The following NRXN3 variants were observed in gnomAD, a reference collection of about 807,000 sequenced individuals.
NRXN3 encodes neurexin 3.
In NRXN3, 32 loss-of-function variants were observed where a neutral mutation model predicts 137.6. The observed-to-expected ratio is 0.23, with a 90% CI of 0.18 to 0.31. The LOEUF is 0.31. Ranked by LOEUF, NRXN3 falls within the 10% of genes least tolerant of loss-of-function variation. The probability of loss-of-function intolerance (pLI) is 1.00; values close to 1 mark genes in which losing one functional copy is unlikely to be tolerated. For missense variants in NRXN3, 1,574 were observed against 2,062.5 expected (o/e 0.76, Z 4.59); for synonymous variants, 798 against 784.5 (o/e 1.02, Z -0.29).
intron 15 of NRXN3, among the ~76,000 whole-genome samples, chr14:79,361,445 G>A (rs747756129): frequency 4.6e-5 from 7 of 152,124 alleles, no homozygotes; most frequent in Admixed American, 2.0e-4. Context: ...TGCTGAGTGC[G>A]GTGGCTCATG....
Position 79,445,129 on chromosome 14 carries a change from C to G in NRXN3, c.3263-22092C>G, listed in dbSNP as rs1481363864. On this transcript the variant is annotated intron_variant, in intron 15 of 20. Transcript: ENST00000335750. The stretch of plus-strand genomic sequence containing the variant: ...GGCTGAGGCGGGCAGATCACGAGGT[C>G]AAGAGATCAAGACCATCCTGGCCAA... Among the ~76,000 whole-genome samples the G allele has an allele frequency of 3.9e-5, 6 of 152,144 alleles. No individual in the cohort carries two copies. The South Asian group carries it at 1.0e-3, about 26-fold the overall frequency.
At chr14:78,557,866 T>G (rs1354698453) in intron 4 of NRXN3, among the ~76,000 whole-genome samples, 4 of 152,238 alleles carry the variant, frequency 2.6e-5, no homozygotes, top group African/African-American at 9.6e-5. Flanking sequence ...CATCTGTTAC[T>G]TATTTATTGA....
intron 19 of NRXN3, among the ~76,000 whole-genome samples, chr14:79,803,927 G>A (rs201153516): frequency 4.7e-5 from 6 of 128,514 alleles, no homozygotes; most frequent in African/African-American, 9.5e-5. Flanking sequence ...ATATATATAT[G>A]TGTGTGTATA....
At chr14:79,174,730 G>C (rs1211792984) in intron 15 of NRXN3, among the ~76,000 whole-genome samples, 1 of 151,510 alleles carries the variant, frequency 6.6e-6, no homozygotes, top group Non-Finnish European at 1.5e-5. Flanking sequence ...CTATTATGCA[G>C]TCATTTTGCA....
At chr14:78,374,739 C>T (rs1311716788) in intron 4 of NRXN3, among the ~76,000 whole-genome samples, 2 of 140,656 alleles carry the variant, frequency 1.4e-5, no homozygotes, top group Non-Finnish European at 3.0e-5. Flanking sequence ...CACTGTACTG[C>T]AGCCTGGGGA....
At chr14:79,679,608 G>A (rs1211099857) in intron 17 of NRXN3, among the ~76,000 whole-genome samples, 1 of 152,078 alleles carries the variant, frequency 6.6e-6, no homozygotes, top group Non-Finnish European at 1.5e-5. Context: ...GTTTCATTGT[G>A]TGTTAAGGAG....
intron 15 of NRXN3, among the ~76,000 whole-genome samples, chr14:79,215,283 A>AT (rs1307071338): frequency 2.0e-5 from 3 of 152,240 alleles, no homozygotes; most frequent in African/African-American, 7.2e-5. Flanking sequence ...GCTTTGTCAT[A>AT]TTTTTTATAA....
intron 10 of NRXN3, among the ~76,000 whole-genome samples, chr14:78,862,687 G>A (rs1020138911): frequency 1.3e-5 from 2 of 151,904 alleles, no homozygotes; most frequent in South Asian, 4.1e-4. Context: ...GAGTACTAGG[G>A]GCTGAGTATA....
At chr14:78,991,944 G>A (rs2099519774) in intron 15 of NRXN3, among the ~76,000 whole-genome samples, 1 of 152,152 alleles carries the variant, frequency 6.6e-6, no homozygotes, top group African/African-American at 2.4e-5. Flanking sequence ...TGGGTTGATG[G>A]AGGCAGTGGG....
At chr14:79,096,055 G>T (rs1255081229) in intron 15 of NRXN3, among the ~76,000 whole-genome samples, 1 of 151,346 alleles carries the variant, frequency 6.6e-6, no homozygotes, top group Admixed American at 6.6e-5. Context: ...TTCTTCCTGA[G>T]GCCCCTCCTC....
intron 15 of NRXN3, among the ~76,000 whole-genome samples, chr14:79,075,424 A>ATTAG (rs1429501068): frequency 6.6e-6 from 1 of 152,194 alleles, no homozygotes; most frequent in Non-Finnish European, 1.5e-5. Context: ...ATGCATAAAT[A>ATTAG]TTAGTTAGGA....
At chr14:78,272,897 C>T (rs2073018934) in intron 2 of NRXN3, among the ~76,000 whole-genome samples, 1 of 152,020 alleles carries the variant, frequency 6.6e-6, no homozygotes, top group Admixed American at 6.6e-5. Flanking sequence ...ATGCCAACTC[C>T]CTTAAATCAA....
chr14:78,800,026 A>T (rs2098833807), intron 8 of NRXN3, among the ~76,000 whole-genome samples: 2 of 152,202 alleles, frequency 1.3e-5, no homozygotes, highest in Non-Finnish European at 2.9e-5. Flanking sequence ...ATGCAATCTG[A>T]ATAGAAGAAA....
At chr14:78,582,290 G>T (rs2097008593) in intron 4 of NRXN3, among the ~76,000 whole-genome samples, 1 of 152,200 alleles carries the variant, frequency 6.6e-6, no homozygotes, top group African/African-American at 2.4e-5. Flanking sequence ...TCCCACCACT[G>T]CTGTTTTCCT....
intron 15 of NRXN3, among the ~76,000 whole-genome samples, chr14:79,069,219 T>G (rs2099684451): frequency 6.6e-6 from 1 of 152,132 alleles, no homozygotes; most frequent in African/African-American, 2.4e-5. Flanking sequence ...AGTTTATACC[T>G]GACCATCTCT....
At chr14:79,294,778 T>C (rs2153464668) in intron 15 of NRXN3, among the ~76,000 whole-genome samples, 1 of 152,324 alleles carries the variant, frequency 6.6e-6, no homozygotes, top group South Asian at 2.1e-4. Context: ...TGATGAGCAA[T>C]GCAAGGCACT....
At chr14:79,420,504 A>C (rs1600046339) in intron 15 of NRXN3, among the ~76,000 whole-genome samples, 1 of 152,268 alleles carries the variant, frequency 6.6e-6, no homozygotes, top group East Asian at 1.9e-4. Context: ...CAACTGCCCC[A>C]AAAAGTAGCT....
At chr14:78,498,723 A>G (rs1272927728) in intron 4 of NRXN3, among the ~76,000 whole-genome samples, 1 of 152,152 alleles carries the variant, frequency 6.6e-6, no homozygotes, top group African/African-American at 2.4e-5. Flanking sequence ...AGTGGGTTTT[A>G]GAAGCACGTG....
intron 5 of NRXN3, chr14:78,649,402 C>A: frequency 6.2e-6 from 2 of 324,996 alleles, no homozygotes; most frequent in South Asian, 3.9e-5. Context: ...CCTCTTTAGA[C>A]TCATTTCTTC....
Sources: allele counts gnomAD v4.1 joint callset (sites outside exome capture counted in the v4.1 genomes callset), GRCh38; gene constraint gnomAD v4.1.1; transcripts MANE v1.5; gene names NCBI Gene and HGNC (gene_info 2026-07-23, HGNC 2026-07-21).